The following FGD3 variants were observed in gnomAD, a reference collection of about 807,000 sequenced individuals.
FGD3 encodes the protein FYVE, RhoGEF and PH domain containing 3.
A neutral mutation model predicts 71.8 loss-of-function variants in FGD3; 45 were observed. The ratio of observed to expected loss-of-function variants is 0.63; its 90% CI spans 0.49 to 0.80. The LOEUF (loss-of-function observed/expected upper bound fraction) is 0.80, where lower values mean the gene tolerates loss of function less well. Among genes scored for constraint, FGD3 ranks in the 30% least tolerant of loss-of-function variants. The pLI is 0.00. For synonymous variants in FGD3, 378 were observed against 392.8 expected, an observed-to-expected ratio of 0.96 and a Z score of 0.44; for missense variants, 844 against 951.5, an observed-to-expected ratio of 0.89 and a Z score of 1.49.
intron 7 of FGD3, 49 bp from the exon 8 acceptor site, chr9:93,011,165 A>G (rs773458718): frequency 1.3e-5 from 21 of 1,606,680 alleles, no homozygotes; most frequent in Non-Finnish European, 1.7e-5. Context: ...CAGGCAAGCA[A>G]AAACGGAGCC....
At chr9:93,014,044 T>C in intron 9 of FGD3, 46 bp downstream of exon 9, 1 of 1,569,644 alleles carries the variant, frequency 6.4e-7, no homozygotes, top group South Asian at 1.2e-5. Context: ...TCCCTTGCCA[T>C]TTGCCTCAAG....
chr9:92,953,664 C>T (rs1266679671), intron 1 of FGD3, among the ~76,000 whole-genome samples: 1 of 152,188 alleles, frequency 6.6e-6, no homozygotes, highest in Non-Finnish European at 1.5e-5. Context: ...CAGATCTGGG[C>T]TTGTCCACTC....
chr9:92,976,209 A>G lies in FGD3; in HGVS notation c.-48A>G. 6.9e-7 allele frequency: 1 copy of G among 1,454,746 alleles called. No homozygotes were observed. Among genetic ancestry groups the G allele is most frequent in the Non-Finnish European group, 9.1e-7 (1 of 1,094,384 alleles). The allele number at this position is 1,454,746 out of a possible 1,614,324, so 90.1% of individuals were successfully genotyped here. The stretch of plus-strand genomic sequence containing the variant: ...CTCTGGCTTGTTTCTCCCCTACAGG[A>G]AGCCCCTGGCCAGCCTCCACCTGAG... On this transcript the variant is annotated splice_region_variant and 5_prime_UTR_variant, in exon 3 of 18. Coordinates refer to ENST00000375482, the MANE Select transcript of FGD3 (RefSeq NM_001083536.2).
At chr9:93,029,742 C>T in intron 14 of FGD3, 132 bp from the exon 15 acceptor site, 1 of 1,251,170 alleles carries the variant, frequency 8.0e-7, no homozygotes, top group South Asian at 1.4e-5. Context: ...ACTTCATTCC[C>T]TTCTGCATGT....
At chr9:92,958,475 A>G (rs1041720980) in intron 1 of FGD3, among the ~76,000 whole-genome samples, 3 of 152,150 alleles carry the variant, frequency 2.0e-5, no homozygotes, top group Admixed American at 1.3e-4. Context: ...CATCATTATC[A>G]CTTGGAGTCT....
chr9:93,028,668 T>A (rs1201663168), intron 14 of FGD3, among the ~76,000 whole-genome samples: 1 of 152,148 alleles, frequency 6.6e-6, no homozygotes, highest in Non-Finnish European at 1.5e-5. Flanking sequence ...CCAAACGCAG[T>A]CGGGGTTTTA....
At chr9:92,953,354 C>T (rs1333634914) in intron 1 of FGD3, among the ~76,000 whole-genome samples, 1 of 152,274 alleles carries the variant, frequency 6.6e-6, no homozygotes, top group East Asian at 1.9e-4. Flanking sequence ...CTGCCAGAGC[C>T]GCTCTGTAAT....
intron 3 of FGD3, among the ~76,000 whole-genome samples, chr9:92,993,803 T>G (rs186101194): frequency 1.3e-5 from 2 of 152,228 alleles, no homozygotes; most frequent in African/African-American, 4.8e-5. Flanking sequence ...ACTCATCATT[T>G]TTTATGGCTG....
At chr9:92,962,408 A>T (rs1859184702) in intron 1 of FGD3, among the ~76,000 whole-genome samples, 1 of 152,154 alleles carries the variant, frequency 6.6e-6, no homozygotes, top group Non-Finnish European at 1.5e-5. Context: ...GGTGGCAGGC[A>T]CTGCTGTCCT....
At chr9:93,031,512 C>T (rs535186542) in intron 15 of FGD3, among the ~76,000 whole-genome samples, 3 of 152,274 alleles carry the variant, frequency 2.0e-5, no homozygotes, top group South Asian at 2.1e-4. Context: ...TTGGTTTGCC[C>T]GGTATTCCTG....
chr9:92,985,920 G>A (rs970251305), intron 3 of FGD3, among the ~76,000 whole-genome samples: 1 of 152,198 alleles, frequency 6.6e-6, no homozygotes, highest in East Asian at 1.9e-4. Context: ...AAGGTAAAAT[G>A]TGTCCCTTCT....
intron 11 of FGD3, 103 bp from the exon 12 acceptor site, chr9:93,019,728 A>C: frequency 9.0e-7 from 1 of 1,113,228 alleles, no homozygotes; most frequent in Admixed American, 1.7e-5. Flanking sequence ...CTGCGTTGAC[A>C]AGCCAGTGCG....
chr9:92,977,760 G>A (rs948919591), intron 3 of FGD3, among the ~76,000 whole-genome samples: 1 of 152,176 alleles, frequency 6.6e-6, no homozygotes, highest in Non-Finnish European at 1.5e-5. Context: ...GGAACTGTGG[G>A]CCTGAGACGG....
At chr9:93,021,637 C>T (rs547607847) in intron 13 of FGD3, among the ~76,000 whole-genome samples, 5 of 152,286 alleles carry the variant, frequency 3.3e-5, no homozygotes, top group Non-Finnish European at 5.9e-5. Flanking sequence ...GGTGCCCCAA[C>T]TCTCGCCGCC....
In FGD3 at chr9:93,020,317, A is replaced by T. The variant is rs1424360013; in HGVS notation, c.1387A>T (p.Ile463Phe). ...CTCACTGTTGTGTTGCTGTGTCCAG[A>T]TCATCCAGGCCACCATCGAGAAGCA... ...TEEEKKEWIQ[I>F]IQATIEKHKQ... The change falls in exon 13 of 18, where the codon ATC becomes TTC. Residue 463 changes from isoleucine (I) to phenylalanine (F), a missense_variant and splice_region_variant. Ile to Phe is a conservative substitution (Grantham distance 21). Transcript: ENST00000375482. The T allele has an allele frequency of 6.2e-7, 1 of 1,610,506 alleles. No homozygotes were observed. Among genetic ancestry groups the T allele is most frequent in the East Asian group, 2.2e-5 (1 of 44,868 alleles).
intron 2 of FGD3, among the ~76,000 whole-genome samples, chr9:92,975,910 A>G (rs1411595883): frequency 6.6e-6 from 1 of 152,220 alleles, no homozygotes; most frequent in East Asian, 1.9e-4. Flanking sequence ...TTGAGCATCT[A>G]TTTTGAATTT....
chr9:92,950,474 T>C lies in FGD3; in HGVS notation c.-218+2745T>C, dbSNP rs1858934571. 6.0e-5 allele frequency among the ~76,000 whole-genome samples: 9 copies of C among 150,972 alleles called. No homozygotes were observed. The South Asian group carries it at 1.9e-3, about 32-fold the overall frequency. On this transcript the variant is annotated intron_variant, in intron 1 of 17. Transcript: ENST00000375482. ...TAAGAGCAGGAAGAGCAGGTTGGAT[T>C]TGCCAGACAGAACTTGTCATGGGGA...
chr9:92,966,429 C>A (rs1365174955), intron 1 of FGD3, among the ~76,000 whole-genome samples: 1 of 152,226 alleles, frequency 6.6e-6, no homozygotes, highest in Non-Finnish European at 1.5e-5. Context: ...AACCCACAGG[C>A]AAATGGTTGC....
At chr9:93,034,821 G>A (rs149807919) in intron 17 of FGD3, 140 bp downstream of exon 17, 394 of 991,902 alleles carry the variant, frequency 4.0e-4, no homozygotes, top group East Asian at 1.3e-3. Context: ...CCCCGGCAGC[G>A]CAGGATTCCC....
Sources: allele counts gnomAD v4.1 joint callset (sites outside exome capture counted in the v4.1 genomes callset), GRCh38; gene constraint gnomAD v4.1.1; transcripts MANE v1.5; gene names NCBI Gene and HGNC (gene_info 2026-07-23, HGNC 2026-07-21).